The following RTN1 variants were observed in gnomAD, a reference collection of about 807,000 sequenced individuals.
RTN1 encodes the protein reticulon-1.
A neutral mutation model predicts 65.5 loss-of-function variants in RTN1; 25 were observed. The ratio of observed to expected loss-of-function variants is 0.38; its 90% confidence interval spans 0.28 to 0.53. The LOEUF is 0.53. RTN1 is among the 20% of genes least tolerant of loss of function. RTN1 has a pLI of 0.79. For synonymous variants in RTN1, 471 were observed against 447.6 expected (o/e 1.05, Z -0.66); for missense variants, 983 against 1,025.4 (o/e 0.96, Z 0.57).
rs554569852 is a variant in RTN1 at position 59,765,286 on chromosome 14, C to G, written c.242-18805G>C. 1.4e-4 allele frequency among the ~76,000 whole-genome samples: 21 copies of G among 152,312 alleles called. No individual in the cohort carries two copies. The South Asian group carries it at 3.9e-3, about 29-fold the overall frequency. On this transcript the variant is annotated intron_variant, in intron 1 of 8. Transcript: ENST00000267484. ...TTAAAGAGACTGGAAAAGATGAGTT[C>G]AAACAAAAGTCCTTTTGCTGTAGAA... is the stretch of plus-strand genomic sequence containing the variant.
At chr14:59,666,962 CAAAAAAAAAAAAAA>C (rs146213616) in intron 3 of RTN1, among the ~76,000 whole-genome samples, 2 of 60,106 alleles carry the variant, frequency 3.3e-5, no homozygotes, top group East Asian at 5.3e-4. Flanking sequence ...GCCGACCAAC[CAAAAAAAAAAAAAA>C]AAAAAAAAAA....
intron 1 of RTN1, among the ~76,000 whole-genome samples, chr14:59,847,350 A>C (rs1181773231): frequency 6.6e-6 from 1 of 152,220 alleles, no homozygotes; most frequent in East Asian, 1.9e-4. Context: ...TACATTATAC[A>C]ATATTTTTAT....
At chr14:59,618,540 T>G (rs1882169988) in intron 3 of RTN1, among the ~76,000 whole-genome samples, 1 of 152,230 alleles carries the variant, frequency 6.6e-6, no homozygotes, top group Non-Finnish European at 1.5e-5. Flanking sequence ...TCAGTGAGAC[T>G]CATTTGAATT....
chr14:59,753,127 G>T (rs951164847), intron 1 of RTN1, among the ~76,000 whole-genome samples: 1 of 152,186 alleles, frequency 6.6e-6, no homozygotes, highest in Non-Finnish European at 1.5e-5. Context: ...CCCCCAAGGT[G>T]ATGCCTCTGA....
At chr14:59,705,231 GT>G (rs1335044969) in intron 3 of RTN1, among the ~76,000 whole-genome samples, 1 of 152,106 alleles carries the variant, frequency 6.6e-6, no homozygotes, top group African/African-American at 2.4e-5. Flanking sequence ...AGTTCATATA[GT>G]TATCTGTCCC....
At chr14:59,851,110 A>C (rs1314334393) in intron 1 of RTN1, among the ~76,000 whole-genome samples, 1 of 152,268 alleles carries the variant, frequency 6.6e-6, no homozygotes, top group East Asian at 1.9e-4. Flanking sequence ...TTTTCTAAAC[A>C]GAAAATAATG....
intron 1 of RTN1, among the ~76,000 whole-genome samples, chr14:59,862,350 G>A (rs1887726091): frequency 6.6e-6 from 1 of 152,058 alleles, no homozygotes; most frequent in African/African-American, 2.4e-5. Flanking sequence ...GTAGGTGACT[G>A]TTTCACTCCT....
At chr14:59,812,062 G>A (rs1886739040) in intron 1 of RTN1, among the ~76,000 whole-genome samples, 1 of 152,142 alleles carries the variant, frequency 6.6e-6, no homozygotes. Context: ...GCACCTCACT[G>A]TGAAACCCAT....
chr14:59,764,611 C>T (rs1047295686), intron 1 of RTN1, among the ~76,000 whole-genome samples: 5 of 152,210 alleles, frequency 3.3e-5, no homozygotes, highest in Admixed American at 1.3e-4. Context: ...TGTGAGCCAT[C>T]GCGCCCAGCC....
rs747671822 is a variant in RTN1, at chr14:59,603,930, C to T, written c.2113-9G>A. 7 of 1,609,100 alleles carry T rather than the reference C, an allele frequency of 4.4e-6. No individual in the cohort carries two copies. The South Asian group carries it at 4.4e-5, about 10-fold the overall frequency. On this transcript the variant is annotated splice_polypyrimidine_tract_variant and intron_variant, in intron 5 of 8. Transcript: ENST00000267484. Reference sequence around the variant, plus strand: ...CACATCAGGACTGCAAACTGAAGAACGAAAGCATTATTAGAGCTCCTAAAA... The same window carrying T: ...CACATCAGGACTGCAAACTGAAGAATGAAAGCATTATTAGAGCTCCTAAAA...
intron 1 of RTN1, among the ~76,000 whole-genome samples, chr14:59,847,423 T>C (rs1887430304): frequency 6.6e-6 from 1 of 152,232 alleles, no homozygotes; most frequent in Non-Finnish European, 1.5e-5. Context: ...TAATAAAAGA[T>C]GTTTTATCTG....
chr14:59,819,036 C>T (rs188214670), intron 1 of RTN1, among the ~76,000 whole-genome samples: 12 of 152,172 alleles, frequency 7.9e-5, no homozygotes, highest in South Asian at 2.1e-4. Context: ...TGCACACCTT[C>T]GCAGTGAGTG....
At chr14:59,824,979 G>A (rs1887005011) in intron 1 of RTN1, among the ~76,000 whole-genome samples, 1 of 152,176 alleles carries the variant, frequency 6.6e-6, no homozygotes, top group Non-Finnish European at 1.5e-5. Flanking sequence ...GGTTGTCAGG[G>A]GCTGGGGGAG....
At chr14:59,819,513 A>G (rs1886897883) in intron 1 of RTN1, among the ~76,000 whole-genome samples, 1 of 140,136 alleles carries the variant, frequency 7.1e-6, no homozygotes, top group South Asian at 2.4e-4. Context: ...CCACCCCCTC[A>G]ACTCTGGAGC....
chr14:59,768,750 C>G (rs954481655), intron 1 of RTN1, among the ~76,000 whole-genome samples: 2 of 152,188 alleles, frequency 1.3e-5, no homozygotes, highest in East Asian at 3.9e-4. Context: ...CTGGCTAATA[C>G]TAAGGATGAC....
chr14:59,775,071 C>T (rs896738957), intron 1 of RTN1, among the ~76,000 whole-genome samples: 1 of 152,130 alleles, frequency 6.6e-6, no homozygotes, highest in Admixed American at 6.6e-5. Context: ...GAGTACATTT[C>T]CCAGCTCTCT....
At chr14:59,728,462 A>T (rs990133712) in intron 2 of RTN1, among the ~76,000 whole-genome samples, 24 of 151,886 alleles carry the variant, frequency 1.6e-4, no homozygotes, top group African/African-American at 5.8e-4. Context: ...TGGTCCCTGG[A>T]TGAATGCCTG....
At chr14:59,793,188 A>G (rs1253503582) in intron 1 of RTN1, among the ~76,000 whole-genome samples, 1 of 152,202 alleles carries the variant, frequency 6.6e-6, no homozygotes, top group Non-Finnish European at 1.5e-5. Flanking sequence ...GCTTTTACTA[A>G]TTAACATCAA....
At chr14:59,858,449 T>C (rs1023880974) in intron 1 of RTN1, among the ~76,000 whole-genome samples, 5 of 151,700 alleles carry the variant, frequency 3.3e-5, no homozygotes, top group African/African-American at 1.2e-4. Flanking sequence ...CAAATACACA[T>C]AATTTTCTGT....
Sources: allele counts gnomAD v4.1 joint callset (sites outside exome capture counted in the v4.1 genomes callset), GRCh38; gene constraint gnomAD v4.1.1; transcripts MANE v1.5; gene names NCBI Gene and HGNC (gene_info 2026-07-23, HGNC 2026-07-21).